Variants in C5orf58 observed in about 807,000 individuals in gnomAD.
C5orf58 encodes the protein putative uncharacterized protein C5orf58.
C5orf58 carries 2 observed loss-of-function variants against 2.9 expected under a neutral mutation model. The observed-to-expected ratio is 0.69, with a 90% CI of 0.28 to 2.18. The LOEUF (loss-of-function observed/expected upper bound fraction) is 2.18, where lower values mean the gene tolerates loss of function less well. Ranked by LOEUF, C5orf58 falls within the 30% of genes most tolerant of loss-of-function variation. The pLI is 0.13. For synonymous variants in C5orf58, 37 were observed against 33.4 expected (o/e 1.11, Z -0.37); for missense variants, 96 against 91.7 (o/e 1.05, Z -0.19).
intron 3 of C5orf58, 98 bp downstream of exon 3, chr5:170,235,168 A>G: frequency 1.6e-6 from 1 of 641,966 alleles, no homozygotes; most frequent in Non-Finnish European, 2.7e-6. Flanking sequence ...AATTTTGCCC[A>G]CTAATTAGGA....
chr5:170,237,413 T>C, intron 3 of C5orf58: 1 of 397,382 alleles, frequency 2.5e-6, no homozygotes, highest in Non-Finnish European at 4.4e-6. Flanking sequence ...ATAGAGAGAT[T>C]TAACTTTTTC....
In C5orf58 at chr5:170,234,990, G is replaced by C. The variant is rs957998; in HGVS notation, c.14G>C (p.Arg5Pro). The C allele has an allele frequency of 0.49, 727,071 of 1,489,424 alleles. 179,455 individuals are homozygous for C. The highest frequency in any genetic ancestry group is 0.55 in the East Asian group (23,690 of 43,006). The allele number at this position is 1,489,424 out of a possible 1,614,324, so 92.3% of individuals were successfully genotyped here. Reference sequence around the variant, plus strand: ...TTTTAAAATCAGATGGGTAAGAAGCGTGTTACTGATCATAAGCTAAATGTG... The same window carrying C: ...TTTTAAAATCAGATGGGTAAGAAGCCTGTTACTGATCATAAGCTAAATGTG... MGKK[R>P]VTDHKLNVDK... is the part of the protein sequence containing the mutation. Residue 5 changes from arginine to proline, a missense_variant, in exon 3 of 4, where the codon CGT becomes CCT. By Grantham distance (103) the Arg-to-Pro change is moderately radical (BLOSUM62 -2). Coordinates refer to ENST00000593851, the MANE Select transcript of C5orf58 (RefSeq NM_001102609.3).
chr5:170,249,200 C>T (rs1424614617), downstream of C5orf58, among the ~76,000 whole-genome samples: 1 of 151,934 alleles, frequency 6.6e-6, no homozygotes, highest in Non-Finnish European at 1.5e-5. Context: ...TGGTGTGCGC[C>T]TGTAATCCCA....
rs1330783969 is a variant in C5orf58, at chr5:170,243,426, G to C, written c.95-2536G>C. On this transcript the variant is annotated intron_variant, in intron 3 of 3. Transcript: ENST00000593851. ...GTGTGGGAGTCTAAGTCTCTTTGTA[G>C]GTCACTCAGGACTTGCTTTATGAAT... is the stretch of plus-strand genomic sequence containing the variant. Among the ~76,000 whole-genome samples the C allele has an allele frequency of 2.8e-5, 4 of 143,466 alleles. No individual in the cohort carries two copies. In the South Asian group the frequency reaches 9.1e-4, roughly 33 times the overall value. The allele number at this position is 143,466 out of a possible 152,430, so 94.1% of individuals were successfully genotyped here. A position where few individuals can be genotyped will look rare whatever the true frequency, so the allele number is the denominator to read the frequency against.
At chr5:170,241,742 C>T (rs1212909434) in intron 3 of C5orf58, among the ~76,000 whole-genome samples, 1 of 144,352 alleles carries the variant, frequency 6.9e-6, no homozygotes, top group Admixed American at 6.9e-5. Flanking sequence ...ATTTGACTTC[C>T]TCTTTTCCTA....
At chr5:170,250,827 A>G, downstream of C5orf58, 1 of 1,612,500 alleles carries the variant, frequency 6.2e-7, no homozygotes, top group Non-Finnish European at 8.5e-7. Flanking sequence ...CAACACCATG[A>G]GGACATATGG....
chr5:170,240,733 C>T (rs1188722024), intron 3 of C5orf58, among the ~76,000 whole-genome samples: 1 of 149,266 alleles, frequency 6.7e-6, no homozygotes, highest in African/African-American at 2.4e-5. Flanking sequence ...GTTGCCTGTT[C>T]ACTCTGATGG....
chr5:170,252,510 T>C (rs1241762621), downstream of C5orf58: 1 of 1,517,458 alleles, frequency 6.6e-7, no homozygotes, highest in South Asian at 1.2e-5. Flanking sequence ...ATTTAATGAA[T>C]TCTGAAAATG....
exon 3 of C5orf58, chr5:170,251,788 C>A: frequency 2.7e-6 from 1 of 366,584 alleles, no homozygotes; most frequent in South Asian, 1.9e-5. Flanking sequence ...TAATTAGAAT[C>A]TCAAGGTGAG....
downstream of C5orf58, among the ~76,000 whole-genome samples, chr5:170,250,160 C>T (rs1168155304): frequency 1.3e-5 from 2 of 152,140 alleles, no homozygotes; most frequent in Admixed American, 1.3e-4. Context: ...TGTTAGTTTC[C>T]TTTGCGAAAA....
chr5:170,246,179 ACTAATTT>A lies in C5orf58; in HGVS notation c.*67_*73del. ...ACAAATATTTGGGAGAGTTGAGTTTACTAATTTGTATATATATAATTTAAAACAAAAT... is the reference window on the plus strand; with the variant it reads ...ACAAATATTTGGGAGAGTTGAGTTTAGTATATATATAATTTAAAACAAAAT... On this transcript the variant is annotated 3_prime_UTR_variant, in exon 4 of 4. Transcript: ENST00000593851. 7.7e-7 allele frequency: 1 copy of A among 1,290,854 alleles called. No homozygotes were observed. The highest frequency in any genetic ancestry group is 1.4e-5 in the South Asian group (1 of 72,196). The allele number at this position is 1,290,854 out of a possible 1,614,324, so 80.0% of individuals were successfully genotyped here.
intron 3 of C5orf58, among the ~76,000 whole-genome samples, chr5:170,238,082 C>T (rs1200051968): frequency 6.6e-6 from 1 of 152,114 alleles, no homozygotes. Flanking sequence ...TGCAGAACTT[C>T]CAATTGTCTT....
At chr5:170,240,475 G>C (rs1271544036) in intron 3 of C5orf58, among the ~76,000 whole-genome samples, 4 of 151,904 alleles carry the variant, frequency 2.6e-5, no homozygotes, top group Admixed American at 2.6e-4. Flanking sequence ...TTTCTAACTG[G>C]TGTGAGATGG....
intron 3 of C5orf58, among the ~76,000 whole-genome samples, chr5:170,245,043 G>A (rs1272798929): frequency 1.3e-5 from 2 of 149,110 alleles, no homozygotes; most frequent in East Asian, 4.0e-4. Context: ...CCTGCCGTGT[G>A]AGGTGTCAGT....
In C5orf58 at chr5:170,245,944, CTGTTT is replaced by C. The variant is rs1761264216; in HGVS notation, c.95-10_95-6del. 1 of 1,604,364 alleles carries C rather than the reference CTGTTT, an allele frequency of 6.2e-7. No individual in the cohort carries two copies. Among genetic ancestry groups the C allele is most frequent in the African/African-American group, 1.3e-5 (1 of 74,284 alleles). ...CATATGTGCTACAATATAATATCTC[CTGTTT>C]TGTTTTGCACAGAGCTCTCCCAGTT... On this transcript the variant is annotated splice_polypyrimidine_tract_variant and intron_variant, in intron 3 of 3. Coordinates refer to ENST00000593851, the MANE Select transcript of C5orf58 (RefSeq NM_001102609.3).
chr5:170,249,390 C>CTATA (rs200081642), downstream of C5orf58, among the ~76,000 whole-genome samples: 3 of 141,282 alleles, frequency 2.1e-5, no homozygotes, highest in African/African-American at 8.1e-5. Context: ...ATCTACATAT[C>CTATA]TATATATATA....
intron 3 of C5orf58, among the ~76,000 whole-genome samples, chr5:170,240,437 G>A (rs1414010087): frequency 6.6e-6 from 1 of 150,720 alleles, no homozygotes; most frequent in Non-Finnish European, 1.5e-5. Flanking sequence ...TCCAGCACCT[G>A]TTGTTTCCTG....
chr5:170,235,558 A>G (rs1199827333), intron 3 of C5orf58, among the ~76,000 whole-genome samples: 1 of 152,202 alleles, frequency 6.6e-6, no homozygotes, highest in African/African-American at 2.4e-5. Flanking sequence ...TTTTATCCCA[A>G]GAAAATTTCT....
intron 3 of C5orf58, among the ~76,000 whole-genome samples, chr5:170,239,776 A>T (rs952554215): frequency 6.7e-6 from 1 of 149,442 alleles, no homozygotes; most frequent in East Asian, 1.9e-4. Context: ...CATAAATCTT[A>T]TTTTTTTTTT....
Sources: allele counts gnomAD v4.1 joint callset (sites outside exome capture counted in the v4.1 genomes callset), GRCh38; gene constraint gnomAD v4.1.1; transcripts MANE v1.5; gene names NCBI Gene and HGNC (gene_info 2026-07-23, HGNC 2026-07-21).